PDE8A: variants seen among roughly 807,000 people sequenced by gnomAD.
The protein encoded by PDE8A is phosphodiesterase 8A.
A neutral mutation model predicts 105.0 loss-of-function variants in PDE8A; 59 were observed. The ratio of observed to expected loss-of-function variants is 0.56; its 90% confidence interval spans 0.46 to 0.70. The LOEUF is 0.70. PDE8A is among the 30% of genes least tolerant of loss of function. PDE8A has a pLI of 0.00. For missense variants in PDE8A, 1,014 were observed against 1,045.9 expected, an observed-to-expected ratio of 0.97 and a Z score of 0.42; for synonymous variants, 355 against 371.9, an observed-to-expected ratio of 0.95 and a Z score of 0.52.
chr15:85,070,322 A>G (rs2081292052), intron 3 of PDE8A, among the ~76,000 whole-genome samples: 2 of 152,106 alleles, frequency 1.3e-5, no homozygotes, highest in African/African-American at 2.4e-5. Context: ...CAGTTTAGGA[A>G]CCCTACGTTG....
intron 1 of PDE8A, among the ~76,000 whole-genome samples, chr15:85,004,820 G>A (rs2080120193): frequency 6.6e-6 from 1 of 150,704 alleles, no homozygotes; most frequent in Non-Finnish European, 1.5e-5. Flanking sequence ...TGGAATTAGA[G>A]TGGGGATAAT....
chr15:85,045,046 C>A (rs1217285475), intron 1 of PDE8A, among the ~76,000 whole-genome samples: 1 of 152,176 alleles, frequency 6.6e-6, no homozygotes, highest in African/African-American at 2.4e-5. Context: ...CTTATTTCCA[C>A]TGTAGGTCCT....
chr15:85,039,497 TTAG>T (rs1197087522), intron 1 of PDE8A, among the ~76,000 whole-genome samples: 1 of 152,016 alleles, frequency 6.6e-6, no homozygotes, highest in Non-Finnish European at 1.5e-5. Context: ...TCACACGCTG[TTAG>T]TAGTATTGTA....
rs747074570 is a variant in PDE8A, at chr15:85,100,086, CG to C, written c.993+24del. 13 of 1,612,876 alleles carry C rather than the reference CG, an allele frequency of 8.1e-6. No homozygotes were observed. The African/African-American group carries it at 1.6e-4, about 20-fold the overall frequency. On this transcript the variant is annotated intron_variant, in intron 10 of 21. Transcript: ENST00000394553. ...AATAAGGTACGTAAGGAGAGCCCCC[CG>C]GGGCCCCAGGAACACCCCAGCAAGA... is the stretch of plus-strand genomic sequence containing the variant.
chr15:85,100,162 A>G lies in PDE8A; in HGVS notation c.1000A>G (p.Lys334Glu). The stretch of plus-strand genomic sequence containing the variant: ...TTTTAAAATTCACTTTTAGGCTGAG[A>G]AAATATCCGAATGTGTTCAGTCTGA... Reference protein sequence around the residue: ...RVCNGNNKAEKISECVQSDTH... With the variant: ...RVCNGNNKAEEISECVQSDTH... The change falls in exon 11 of 22, where the codon AAA becomes GAA. Residue 334 changes from lysine to glutamate, a missense_variant. By Grantham distance (56) the Lys-to-Glu change is moderately conservative (BLOSUM62 1). Coordinates refer to ENST00000394553, the MANE Select transcript of PDE8A (RefSeq NM_002605.3). 2 of 1,614,016 alleles carry G rather than the reference A, an allele frequency of 1.2e-6. No individual in the cohort carries two copies. The highest frequency in any genetic ancestry group is 2.2e-5 in the South Asian group (2 of 91,078).
At chr15:85,100,361 C>G (rs2081841166) in intron 11 of PDE8A, 163 bp downstream of exon 11, 2 of 647,382 alleles carry the variant, frequency 3.1e-6, no homozygotes, top group Admixed American at 5.8e-5. Flanking sequence ...GTCACTTGTA[C>G]AGAGGACTTG....
chr15:85,009,904 C>G (rs1343474678), intron 1 of PDE8A, among the ~76,000 whole-genome samples: 1 of 152,100 alleles, frequency 6.6e-6, no homozygotes, highest in Non-Finnish European at 1.5e-5. Context: ...GAAGAATAAG[C>G]TGTAATATAA....
At chr15:85,097,826 G>A (rs955941072) in intron 8 of PDE8A, 122 bp from the exon 9 acceptor site, 10 of 635,700 alleles carry the variant, frequency 1.6e-5, no homozygotes, top group South Asian at 9.7e-5. Flanking sequence ...TCAGTTTGGG[G>A]TTGGGATCAT....
intron 1 of PDE8A, among the ~76,000 whole-genome samples, chr15:85,041,027 C>G (rs1255422497): frequency 6.6e-6 from 1 of 152,162 alleles, no homozygotes; most frequent in South Asian, 2.1e-4. Context: ...AGACAGACAT[C>G]TTTTCATATG....
intron 1 of PDE8A, among the ~76,000 whole-genome samples, chr15:84,985,778 G>A (rs184297488): frequency 3.9e-5 from 6 of 152,306 alleles, no homozygotes; most frequent in African/African-American, 1.2e-4. Context: ...CCCAGGCCAG[G>A]TAAGTAGAAA....
intron 1 of PDE8A, among the ~76,000 whole-genome samples, chr15:85,008,780 C>T (rs937379566): frequency 6.6e-6 from 1 of 152,176 alleles, no homozygotes; most frequent in Non-Finnish European, 1.5e-5. Context: ...TTCCACCTTG[C>T]CCCTGTCTGC....
At chr15:85,098,071 C>G (rs769196186) in intron 9 of PDE8A, 35 bp downstream of exon 9, 8 of 1,228,648 alleles carry the variant, frequency 6.5e-6, no homozygotes, top group Non-Finnish European at 1.2e-6. Flanking sequence ...AATCAACATA[C>G]AGTGTTTTGG....
intron 1 of PDE8A, among the ~76,000 whole-genome samples, chr15:85,030,881 C>G (rs2080603988): frequency 6.6e-6 from 1 of 152,232 alleles, no homozygotes; most frequent in South Asian, 2.1e-4. Context: ...ACACTCTCTA[C>G]AAGTTCCTGT....
Position 85,136,514 on chromosome 15 carries a change from T to A in PDE8A, c.2254-20T>A. The A allele has an allele frequency of 4.4e-6, 7 of 1,607,606 alleles. No individual in the cohort carries two copies. The highest frequency in any genetic ancestry group is 5.9e-6 in the Non-Finnish European group (7 of 1,176,692). ...GGAACCAGATGTTGGGGTCTCCTGATCACATTTTCTGCTTTACAGACTGAT... is the reference window on the plus strand; with the variant it reads ...GGAACCAGATGTTGGGGTCTCCTGAACACATTTTCTGCTTTACAGACTGAT... On this transcript the variant is annotated intron_variant, in intron 20 of 21. Transcript: ENST00000394553.
chr15:85,104,710 G>A (rs1322095990), intron 11 of PDE8A, among the ~76,000 whole-genome samples: 1 of 152,178 alleles, frequency 6.6e-6, no homozygotes, highest in Admixed American at 6.5e-5. Context: ...GAGCAGGTTT[G>A]TACAGGGAGT....
chr15:85,003,416 C>T (rs2080096492), intron 1 of PDE8A, among the ~76,000 whole-genome samples: 1 of 152,104 alleles, frequency 6.6e-6, no homozygotes, highest in African/African-American at 2.4e-5. Flanking sequence ...AAACACCTGC[C>T]CACCCCAGCA....
intron 3 of PDE8A, among the ~76,000 whole-genome samples, chr15:85,071,953 G>C (rs2081317258): frequency 6.6e-6 from 1 of 152,080 alleles, no homozygotes; most frequent in Non-Finnish European, 1.5e-5. Context: ...AGTATTTCTT[G>C]GTGCAACAGG....
At chr15:85,048,978 T>C (rs2080929415) in intron 1 of PDE8A, among the ~76,000 whole-genome samples, 1 of 152,176 alleles carries the variant, frequency 6.6e-6, no homozygotes, top group Non-Finnish European at 1.5e-5. Flanking sequence ...GGCTCATGCC[T>C]GTAGTCCTGG....
intron 6 of PDE8A, among the ~76,000 whole-genome samples, chr15:85,085,757 C>G (rs905542357): frequency 6.6e-5 from 10 of 151,520 alleles, no homozygotes; most frequent in African/African-American, 2.4e-4. Flanking sequence ...CCTGTAATCT[C>G]TGCACTTTGG....
Sources: allele counts gnomAD v4.1 joint callset (sites outside exome capture counted in the v4.1 genomes callset), GRCh38; gene constraint gnomAD v4.1.1; transcripts MANE v1.5; gene names NCBI Gene and HGNC (gene_info 2026-07-23, HGNC 2026-07-21).